The following PCCA variants were observed in gnomAD, a reference collection of about 807,000 sequenced individuals.
PCCA encodes the protein propionyl-CoA carboxylase subunit alpha, also known as propionyl-CoA carboxylase alpha chain, mitochondrial.
PCCA carries 74 observed loss-of-function variants against 101.3 expected under a neutral mutation model. That is an observed-to-expected ratio of 0.73 (90% CI 0.61 to 0.89). The LOEUF is 0.89. Among genes scored for constraint, PCCA ranks in the 40% least tolerant of loss-of-function variants. The probability of loss-of-function intolerance (pLI) is 0.00; values close to 1 mark genes in which losing one functional copy is unlikely to be tolerated. For missense variants in PCCA, 891 were observed against 907.0 expected, an observed-to-expected ratio of 0.98 and a Z score of 0.23; for synonymous variants, 294 against 313.6, an observed-to-expected ratio of 0.94 and a Z score of 0.66.
chr13:100,363,978 G>A (rs2152805392), intron 18 of PCCA, among the ~76,000 whole-genome samples: 1 of 152,296 alleles, frequency 6.6e-6, no homozygotes, highest in African/African-American at 2.4e-5. Flanking sequence ...GTTATGTCGA[G>A]CATATTCATC....
chr13:100,102,847 G>A (rs779358089), intron 1 of PCCA, 36 bp from the exon 2 acceptor site: 7 of 1,391,578 alleles, frequency 5.0e-6, no homozygotes, highest in Non-Finnish European at 1.0e-6. Flanking sequence ...AGCCCATCAA[G>A]TATTTGCAAT....
At chr13:100,463,265 T>C (rs2082287065) in intron 21 of PCCA, among the ~76,000 whole-genome samples, 1 of 151,918 alleles carries the variant, frequency 6.6e-6, no homozygotes, top group African/African-American at 2.4e-5. Context: ...ATTCCCTAGA[T>C]TCTGAGGTTC....
In PCCA at chr13:100,411,733, G is replaced by T. The variant is rs143241132; in HGVS notation, c.1747-13900G>T. 3.4e-3 allele frequency among the ~76,000 whole-genome samples: 514 copies of T among 152,270 alleles called. 3 individuals carry two copies. Among genetic ancestry groups the T allele is most frequent in the African/African-American group, 0.012 (500 of 41,530 alleles). On this transcript the variant is annotated intron_variant, in intron 19 of 23. Coordinates refer to ENST00000376285, the MANE Select transcript of PCCA (RefSeq NM_000282.4). The stretch of plus-strand genomic sequence containing the variant: ...TTTGCAGATGGCCATCTTTCTTGCT[G>T]TGTTCATTCATGGCTGAGAGCAGAG...
At chr13:100,197,246 TGCCCA>T (rs1340856935) in intron 6 of PCCA, among the ~76,000 whole-genome samples, 1 of 152,154 alleles carries the variant, frequency 6.6e-6, no homozygotes, top group Non-Finnish European at 1.5e-5. Flanking sequence ...TTTGCTCTGT[TGCCCA>T]GGCTGGAGTG....
At chr13:100,320,557 G>C (rs1453665625) in intron 16 of PCCA, among the ~76,000 whole-genome samples, 2 of 152,124 alleles carry the variant, frequency 1.3e-5, no homozygotes, top group Non-Finnish European at 2.9e-5. Context: ...TTTGTCAAAG[G>C]CCTTTTCTGC....
intron 8 of PCCA, among the ~76,000 whole-genome samples, chr13:100,250,317 A>G (rs1291117005): frequency 6.6e-6 from 1 of 152,124 alleles, no homozygotes; most frequent in Non-Finnish European, 1.5e-5. Flanking sequence ...TTATATGATC[A>G]TAGGATTTTT....
intron 6 of PCCA, chr13:100,161,119 G>A (rs12428848): frequency 0.14 from 21,524 of 152,120 alleles, 1,644 homozygotes; most frequent in Non-Finnish European, 0.18. Context: ...TGAGTTTTTA[G>A]CAAGATAAGA....
intron 21 of PCCA, among the ~76,000 whole-genome samples, chr13:100,475,869 C>T (rs1475955518): frequency 1.3e-5 from 2 of 152,090 alleles, no homozygotes; most frequent in African/African-American, 4.8e-5. Context: ...TTTAAATATT[C>T]TCTATGTAGT....
At chr13:100,164,593 A>G (rs1481057270) in intron 6 of PCCA, among the ~76,000 whole-genome samples, 2 of 152,220 alleles carry the variant, frequency 1.3e-5, no homozygotes, top group African/African-American at 4.8e-5. Context: ...ATCAACTTTC[A>G]CAGATCCAAA....
At chr13:100,516,173 A>C (rs2086817136) in intron 22 of PCCA, among the ~76,000 whole-genome samples, 1 of 152,226 alleles carries the variant, frequency 6.6e-6, no homozygotes, top group Admixed American at 6.5e-5. Flanking sequence ...TTCTTAGAAC[A>C]TGGATAGAAA....
At chr13:100,388,790 C>A (rs544528933) in intron 19 of PCCA, among the ~76,000 whole-genome samples, 2 of 152,112 alleles carry the variant, frequency 1.3e-5, no homozygotes, top group African/African-American at 4.8e-5. Context: ...AGTGAAACTC[C>A]GTCTTAAAAA....
intron 19 of PCCA, among the ~76,000 whole-genome samples, chr13:100,383,661 G>C (rs1220632036): frequency 6.6e-6 from 1 of 152,038 alleles, no homozygotes; most frequent in African/African-American, 2.4e-5. Flanking sequence ...TTGTGTACAA[G>C]AGAGTTTGTG....
chr13:100,117,506 A>G (rs1188943029), intron 4 of PCCA, among the ~76,000 whole-genome samples: 2 of 151,768 alleles, frequency 1.3e-5, no homozygotes, highest in Non-Finnish European at 2.9e-5. Context: ...CATCATTCTC[A>G]GCAAACTATC....
intron 8 of PCCA, among the ~76,000 whole-genome samples, chr13:100,241,086 A>C (rs1479647893): frequency 6.6e-6 from 1 of 152,180 alleles, no homozygotes; most frequent in African/African-American, 2.4e-5. Flanking sequence ...ATTTTTAAAA[A>C]TTAAGATAAA....
intron 6 of PCCA, among the ~76,000 whole-genome samples, chr13:100,194,894 G>C (rs1383292194): frequency 6.6e-6 from 1 of 152,140 alleles, no homozygotes; most frequent in Non-Finnish European, 1.5e-5. Context: ...CTCATGCTAA[G>C]TGAAGTGTTA....
chr13:100,196,389 G>A (rs1281187100), intron 6 of PCCA, among the ~76,000 whole-genome samples: 3 of 152,088 alleles, frequency 2.0e-5, no homozygotes, highest in African/African-American at 7.2e-5. Flanking sequence ...GGAGAAACAA[G>A]GTTTTATATT....
At chr13:100,163,570 A>G (rs1280350632) in intron 6 of PCCA, among the ~76,000 whole-genome samples, 2 of 152,040 alleles carry the variant, frequency 1.3e-5, no homozygotes, top group Non-Finnish European at 2.9e-5. Flanking sequence ...TTTCTTCTTT[A>G]GTTTGCCTTA....
intron 21 of PCCA, among the ~76,000 whole-genome samples, chr13:100,489,063 T>C (rs1296874876): frequency 6.6e-6 from 1 of 152,138 alleles, no homozygotes; most frequent in Non-Finnish European, 1.5e-5. Context: ...CCCAGCACTT[T>C]GGGAGGCCGA....
intron 7 of PCCA, among the ~76,000 whole-genome samples, chr13:100,219,275 A>G (rs1009606813): frequency 1.3e-5 from 2 of 151,974 alleles, no homozygotes; most frequent in African/African-American, 4.8e-5. Flanking sequence ...TTTGATGAGG[A>G]ATGTTGCCTT....
Sources: allele counts gnomAD v4.1 joint callset (sites outside exome capture counted in the v4.1 genomes callset), GRCh38; gene constraint gnomAD v4.1.1; transcripts MANE v1.5; gene names NCBI Gene and HGNC (gene_info 2026-07-23, HGNC 2026-07-21).